Variants in MCM3AP observed in about 807,000 individuals in gnomAD.
MCM3AP encodes the protein germinal-center associated nuclear protein.
A neutral mutation model predicts 184.1 loss-of-function variants in MCM3AP; 126 were observed. The observed-to-expected ratio is 0.68, with a 90% CI of 0.59 to 0.79. The LOEUF is 0.79. MCM3AP is among the 30% of genes least tolerant of loss of function. MCM3AP has a pLI of 0.00. For synonymous variants in MCM3AP, 1,002 were observed against 979.3 expected, an observed-to-expected ratio of 1.02 and a Z score of -0.43; for missense variants, 2,496 against 2,479.2, an observed-to-expected ratio of 1.01 and a Z score of -0.14.
intron 24 of MCM3AP, chr21:46,243,140 T>C (rs980255398): frequency 3.4e-6 from 2 of 595,988 alleles, no homozygotes; most frequent in Non-Finnish European, 5.8e-6. Context: ...TTAAATAGGC[T>C]CCCAGGGTCC....
chr21:46,256,452 C>T (rs540575053), intron 17 of MCM3AP: 11 of 329,718 alleles, frequency 3.3e-5, no homozygotes, highest in Non-Finnish European at 5.7e-5. Context: ...CGTGGACCTC[C>T]GGCTCCTCCA....
chr21:46,265,377 G>A lies in MCM3AP; in HGVS notation c.3178C>T (p.Leu1060=). The change falls in exon 12 of 28, where the codon CTG becomes TTG. Residue 1060 remains leucine, a synonymous_variant. Coordinates refer to ENST00000291688, the MANE Select transcript of MCM3AP (RefSeq NM_003906.5). ...GGCGGTGGTTCAGGCTGCACAGACA[G>A]CTGGAAGAGGCTGGGCGCCACAGAC... ...TPSVAPSLFQ[L]SVQPEPPPPE... 6.2e-7 allele frequency: 1 copy of A among 1,614,060 alleles called. No homozygotes were observed. The highest frequency in any genetic ancestry group is 8.5e-7 in the Non-Finnish European group (1 of 1,180,028).
At chr21:46,239,369 T>G (rs986490014) in intron 26 of MCM3AP, among the ~76,000 whole-genome samples, 1 of 152,344 alleles carries the variant, frequency 6.6e-6, no homozygotes, top group African/African-American at 2.4e-5. Context: ...AGAAGGAAGA[T>G]GATAGTGGCT....
Position 46,284,379 on chromosome 21 carries a change from C to T in MCM3AP, c.908G>A (p.Arg303Lys). The change falls in exon 1 of 28, where the codon AGA becomes AAA. Residue 303 changes from arginine (R) to lysine (K), a missense_variant. By Grantham distance (26) the Arg-to-Lys change is conservative (BLOSUM62 2). This residue lies in a region of MCM3AP where 800 missense variants were observed against 717.1 expected (regional missense o/e 1.12). Transcript: ENST00000291688. Reference sequence around the variant, plus strand: ...ATCTTCTGCTGGCTCGTGGCCATGTCTCCTTGGGGAGCGATCCTGGTCCTC... The same window carrying T: ...ATCTTCTGCTGGCTCGTGGCCATGTTTCCTTGGGGAGCGATCCTGGTCCTC... ...RKEDQDRSPR[R>K]HGHEPAEDSD... 1.3e-5 allele frequency: 21 copies of T among 1,614,228 alleles called. No individual in the cohort carries two copies. The highest frequency in any genetic ancestry group is 1.6e-5 in the Non-Finnish European group (19 of 1,180,048).
intron 26 of MCM3AP, among the ~76,000 whole-genome samples, chr21:46,240,568 C>A (rs550912896): frequency 1.3e-5 from 2 of 152,316 alleles, no homozygotes; most frequent in African/African-American, 4.8e-5. Context: ...AAACTTAACA[C>A]TGACTTTCAA....
rs373052718 is a variant in MCM3AP at position 46,245,183 on chromosome 21, C to G, written c.4662G>C (p.Val1554=). The G allele has an allele frequency of 1.1e-5, 17 of 1,601,620 alleles. 1 individual carries two copies. The Middle Eastern group carries it at 6.6e-4, about 63-fold the overall frequency. ...LQGSTKVLQA[V]QWLVSHCPHS... ...GGGGGCAGTGGGAAACCAGCCACTGCACTGCTTGCAAAACCTGAGAAGAAA... is the reference window on the plus strand; with the variant it reads ...GGGGGCAGTGGGAAACCAGCCACTGGACTGCTTGCAAAACCTGAGAAGAAA... Residue 1554 remains valine, a synonymous_variant, in exon 23 of 28, where the codon GTG becomes GTC. Coordinates refer to ENST00000291688, the MANE Select transcript of MCM3AP (RefSeq NM_003906.5).
At chr21:46,244,419 T>G in intron 23 of MCM3AP, 1 of 210,622 alleles carries the variant, frequency 4.7e-6, no homozygotes, top group Non-Finnish European at 9.5e-6. Context: ...TGGCTGCGGC[T>G]TGGGGACAGG....
chr21:46,283,582 T>C, intron 2 of MCM3AP, 33 bp downstream of exon 2: 1 of 1,459,708 alleles, frequency 6.9e-7, no homozygotes, highest in Non-Finnish European at 9.6e-7. Flanking sequence ...GGTTCAAATC[T>C]AGGGTAACAA....
In MCM3AP at chr21:46,264,108, G is replaced by A. The variant is rs1225208691; in HGVS notation, c.3335+9C>T. The A allele has an allele frequency of 2.5e-6, 4 of 1,604,772 alleles. No individual in the cohort carries two copies. In the African/African-American group the frequency reaches 4.0e-5, roughly 16 times the overall value. On this transcript the variant is annotated intron_variant, in intron 13 of 27. Transcript: ENST00000291688. ...ACGTAGCAGGAGGGGAGCACGAGATGCCACTCACCCCAGGGCGGCAGCTGC... is the reference window on the plus strand; with the variant it reads ...ACGTAGCAGGAGGGGAGCACGAGATACCACTCACCCCAGGGCGGCAGCTGC...
intron 20 of MCM3AP, chr21:46,249,770 C>CCTG: frequency 3.2e-6 from 1 of 308,472 alleles, no homozygotes; most frequent in South Asian, 2.6e-5. Context: ...TGTGTTTGCA[C>CCTG]TCATTTTATC....
chr21:46,235,556 A>G (rs2080506888), intron 27 of MCM3AP, 130 bp from the exon 28 acceptor site: 1 of 725,700 alleles, frequency 1.4e-6, no homozygotes, highest in African/African-American at 1.8e-5. Flanking sequence ...ACAGAGGGAA[A>G]AAAATTATCC....
intron 2 of MCM3AP, 34 bp from the exon 3 acceptor site, chr21:46,280,609 A>T (rs746318761): frequency 1.4e-6 from 2 of 1,444,970 alleles, no homozygotes; most frequent in South Asian, 2.3e-5. Context: ...ATGTGTGAGT[A>T]TATCAGGAAA....
At chr21:46,248,999 A>G (rs2080825467) in intron 20 of MCM3AP, among the ~76,000 whole-genome samples, 1 of 152,194 alleles carries the variant, frequency 6.6e-6, no homozygotes. Context: ...AGGAGTCTCT[A>G]GCCTGAAAGG....
Position 46,267,128 on chromosome 21 carries a change from A to G in MCM3AP, c.2643T>C (p.Ala881=). Residue 881 remains alanine (A), a synonymous_variant, in exon 10 of 28, where the codon GCT becomes GCC. Coordinates refer to ENST00000291688, the MANE Select transcript of MCM3AP (RefSeq NM_003906.5). The stretch of plus-strand genomic sequence containing the variant: ...TGTACGCAAAGTTGAGCGCCCGGAG[A>G]GCATCCTTGCGGATCTGAGAGGAGG... The part of the protein sequence containing the change: ...HCYFSQIRKD[A]LRALNFAYTV... 6.2e-7 allele frequency: 1 copy of G among 1,613,776 alleles called. No individual in the cohort carries two copies. Among genetic ancestry groups the G allele is most frequent in the African/African-American group, 1.3e-5 (1 of 75,050 alleles).
In MCM3AP at chr21:46,260,787, A is replaced by T; in HGVS notation, c.3581+6T>A. Reference sequence around the variant, plus strand: ...TGGCACAGCAAGACACCAGCGTTTCACTTACTTCAACTCCTGGGAGCAGGT... The same window carrying T: ...TGGCACAGCAAGACACCAGCGTTTCTCTTACTTCAACTCCTGGGAGCAGGT... On this transcript the variant is annotated splice_donor_region_variant and intron_variant, in intron 15 of 27. Transcript: ENST00000291688. 1 of 1,604,582 alleles carries T rather than the reference A, an allele frequency of 6.2e-7. No homozygotes were observed. Among genetic ancestry groups the T allele is most frequent in the Non-Finnish European group, 8.5e-7 (1 of 1,171,376 alleles).
At chr21:46,245,463 T>C (rs966926132) in intron 22 of MCM3AP, among the ~76,000 whole-genome samples, 1 of 152,126 alleles carries the variant, frequency 6.6e-6, no homozygotes, top group Admixed American at 6.5e-5. Context: ...GGTTGCCCCA[T>C]GGAAAGGCCC....
chr21:46,245,449 G>A (rs773332836), intron 22 of MCM3AP, among the ~76,000 whole-genome samples: 5 of 152,166 alleles, frequency 3.3e-5, no homozygotes, highest in Non-Finnish European at 5.9e-5. Flanking sequence ...AGTGTGACCT[G>A]CATGGTTGCC....
rs4819221 is a variant in MCM3AP at position 46,275,503 on chromosome 21, A to C, written c.1859-178T>G. The stretch of plus-strand genomic sequence containing the variant: ...AGACAAAGAGGACTTATGGTCTATT[A>C]TGCCAGGCAGTGGGACATCAAAGCT... On this transcript the variant is annotated intron_variant, in intron 5 of 27. Transcript: ENST00000291688. 0.41 allele frequency among the ~76,000 whole-genome samples: 62,583 copies of C among 151,726 alleles called. 13,323 individuals are homozygous for C. Among genetic ancestry groups the C allele is most frequent in the Admixed American group, 0.48 (7,337 of 15,268 alleles).
chr21:46,266,689 T>C (rs2081116860), intron 10 of MCM3AP: 2 of 379,404 alleles, frequency 5.3e-6, no homozygotes, highest in Non-Finnish European at 9.6e-6. Flanking sequence ...GCAAAGGCAG[T>C]CAAGGGAAAG....
Sources: allele counts gnomAD v4.1 joint callset (sites outside exome capture counted in the v4.1 genomes callset), GRCh38; gene constraint gnomAD v4.1.1; regional missense constraint gnomAD v4.1.1; transcripts MANE v1.5; gene names NCBI Gene and HGNC (gene_info 2026-07-23, HGNC 2026-07-21).